Variants in STK32C observed in about 807,000 individuals in gnomAD.
STK32C encodes serine/threonine-protein kinase 32C.
In STK32C, 31 loss-of-function variants were observed where a neutral mutation model predicts 56.5. The ratio of observed to expected loss-of-function variants is 0.55; its 90% CI spans 0.41 to 0.74. The LOEUF (loss-of-function observed/expected upper bound fraction) is 0.74, where lower values mean the gene tolerates loss of function less well. Ranked by LOEUF, STK32C falls within the 30% of genes least tolerant of loss-of-function variation. The probability of loss-of-function intolerance (pLI) is 0.00; values close to 1 mark genes in which losing one functional copy is unlikely to be tolerated. For missense variants in STK32C, 544 were observed against 676.9 expected (o/e 0.80, Z 2.18); for synonymous variants, 309 against 289.4 (o/e 1.07, Z -0.69).
chr10:132,251,442 A>T (rs184018240), intron 1 of STK32C, among the ~76,000 whole-genome samples: 2 of 152,086 alleles, frequency 1.3e-5, no homozygotes, highest in African/African-American at 4.8e-5. Context: ...GGGAGTGGGC[A>T]TGGTCCCTTC....
chr10:132,254,759 A>T (rs1259606968), intron 1 of STK32C, among the ~76,000 whole-genome samples: 4 of 150,406 alleles, frequency 2.7e-5, no homozygotes, highest in Non-Finnish European at 5.9e-5. Flanking sequence ...GGGCGCCGGG[A>T]ATCAGCACTA....
At chr10:132,314,744 G>C (rs1387847154) in intron 1 of STK32C, among the ~76,000 whole-genome samples, 1 of 152,160 alleles carries the variant, frequency 6.6e-6, no homozygotes. Context: ...ATCAGATAAC[G>C]TAGACTTCAA....
chr10:132,285,411 A>C (rs1353490115), intron 1 of STK32C, among the ~76,000 whole-genome samples: 2 of 152,256 alleles, frequency 1.3e-5, no homozygotes, highest in Admixed American at 6.5e-5. Flanking sequence ...TAAAGAGCAG[A>C]TATTTTCAGA....
At chr10:132,269,466 G>A (rs1363922850) in intron 1 of STK32C, among the ~76,000 whole-genome samples, 2 of 152,108 alleles carry the variant, frequency 1.3e-5, no homozygotes, top group Middle Eastern at 3.2e-3. Flanking sequence ...GCTGCTGCAG[G>A]AGGACCTGGG....
chr10:132,289,107 TA>T lies in STK32C; in HGVS notation c.262+18464del, dbSNP rs369679145. Among the ~76,000 whole-genome samples the T allele has an allele frequency of 2.5e-4, 37 of 150,880 alleles. No homozygotes were observed. The East Asian group carries it at 3.9e-3, about 16-fold the overall frequency. ...AGTGTGTTACTGGCAACAAGAAAGA[TA>T]AAAAAAAATAGACCCAAACATACTG... On this transcript the variant is annotated intron_variant, in intron 1 of 11. Transcript: ENST00000298630.
At chr10:132,271,657 C>T (rs1033160569) in intron 1 of STK32C, among the ~76,000 whole-genome samples, 2 of 152,246 alleles carry the variant, frequency 1.3e-5, no homozygotes, top group African/African-American at 4.8e-5. Flanking sequence ...CCAGCCCCCA[C>T]CACTGAAAAA....
At chr10:132,267,224 G>A (rs2064571941) in intron 1 of STK32C, among the ~76,000 whole-genome samples, 1 of 152,252 alleles carries the variant, frequency 6.6e-6, no homozygotes, top group Non-Finnish European at 1.5e-5. Context: ...AGTGTGGGGT[G>A]CAGGTCTCCT....
intron 2 of STK32C, among the ~76,000 whole-genome samples, chr10:132,237,181 T>A (rs2063324202): frequency 1.9e-5 from 1 of 51,770 alleles, no homozygotes; most frequent in African/African-American, 3.9e-5. Context: ...TCCCTGACTG[T>A]GCTCCCTGGA....
chr10:132,210,083 G>A (rs890797820), intron 10 of STK32C, among the ~76,000 whole-genome samples: 7 of 152,104 alleles, frequency 4.6e-5, no homozygotes, highest in East Asian at 1.9e-4. Flanking sequence ...ACCATCTTAC[G>A]GGACCACCCC....
In STK32C at chr10:132,209,096, A is replaced by C; in HGVS notation, c.1257T>G (p.Asn419Lys). 7 of 1,613,772 alleles carry C rather than the reference A, an allele frequency of 4.3e-6. No individual in the cohort carries two copies. Among genetic ancestry groups the C allele is most frequent in the Non-Finnish European group, 5.9e-6 (7 of 1,179,980 alleles). Residue 419 changes from asparagine (N) to lysine (K), a missense_variant, in exon 11 of 12, where the codon AAT becomes AAG. Physicochemically the swap from Asn to Lys is moderately conservative, Grantham distance 94. Around this residue, in one of 3 missense-constraint regions of STK32C, gnomAD observed 277 missense variants for 309.3 expected, o/e 0.90. Coordinates refer to ENST00000298630, the MANE Select transcript of STK32C (RefSeq NM_173575.4). ...DNSRDSSQSE[N>K]DYLQDCLDAI... ...CATCGAGGCAGTCTTGAAGATAGTC[A>C]TTCTCCTGTGGATGGAAAGGCACAC...
chr10:132,285,009 G>A (rs56212595), intron 1 of STK32C, among the ~76,000 whole-genome samples: 204 of 109,098 alleles, frequency 1.9e-3, no homozygotes, highest in Non-Finnish European at 3.2e-3. Flanking sequence ...GCATGAACCC[G>A]GAACACATTC....
At chr10:132,221,899 GGGC>G (rs2062678951) in intron 10 of STK32C, among the ~76,000 whole-genome samples, 1 of 122,954 alleles carries the variant, frequency 8.1e-6, no homozygotes, top group Non-Finnish European at 2.0e-5. Flanking sequence ...CAACGCACCT[GGGC>G]AAGTGTGAGG....
intron 2 of STK32C, among the ~76,000 whole-genome samples, chr10:132,235,056 CTGAG>C (rs1409654238): frequency 1.3e-5 from 2 of 151,820 alleles, no homozygotes; most frequent in East Asian, 3.9e-4. Context: ...TATGAACTGT[CTGAG>C]TGGTGTGAGC....
chr10:132,292,707 A>G (rs992825825), intron 1 of STK32C, among the ~76,000 whole-genome samples: 2 of 152,082 alleles, frequency 1.3e-5, no homozygotes, highest in African/African-American at 4.8e-5. Context: ...CCCCCACCCA[A>G]AGCAGGCCCT....
intron 2 of STK32C, among the ~76,000 whole-genome samples, chr10:132,235,487 T>A: frequency 7.4e-5 from 1 of 13,436 alleles, no homozygotes; most frequent in Non-Finnish European, 1.8e-4. Flanking sequence ...AGAGCAAGAC[T>A]CAGCCTTAAA....
intron 10 of STK32C, among the ~76,000 whole-genome samples, chr10:132,210,544 G>A (rs1466006676): frequency 2.0e-5 from 3 of 152,234 alleles, no homozygotes; most frequent in South Asian, 2.1e-4. Flanking sequence ...CACCATGCCT[G>A]GCCCTGTGGA....
chr10:132,222,624 C>G lies in STK32C; in HGVS notation c.1251+17G>C, dbSNP rs777102281. On this transcript the variant is annotated intron_variant, in intron 10 of 11. Transcript: ENST00000298630. Reference sequence around the variant, plus strand: ...GCCCAGCCCGCCGCCGCGCCCTGAGCCTGCCCTGGCACTCACGGACTGGGA... The same window carrying G: ...GCCCAGCCCGCCGCCGCGCCCTGAGGCTGCCCTGGCACTCACGGACTGGGA... 1 of 1,610,742 alleles carries G rather than the reference C, an allele frequency of 6.2e-7. No individual in the cohort carries two copies. The highest frequency in any genetic ancestry group is 1.7e-5 in the Admixed American group (1 of 59,934).
chr10:132,258,798 A>T (rs1439698667), intron 1 of STK32C, among the ~76,000 whole-genome samples: 2 of 152,186 alleles, frequency 1.3e-5, no homozygotes, highest in Non-Finnish European at 2.9e-5. Flanking sequence ...TCAGGGCCGG[A>T]TGAGGATCCC....
chr10:132,211,793 C>T (rs1376221909), intron 10 of STK32C, among the ~76,000 whole-genome samples: 1 of 152,156 alleles, frequency 6.6e-6, no homozygotes, highest in African/African-American at 2.4e-5. Flanking sequence ...CCTCTTGAAC[C>T]GCAAGTGACG....
Sources: allele counts gnomAD v4.1 joint callset (sites outside exome capture counted in the v4.1 genomes callset), GRCh38; gene constraint gnomAD v4.1.1; regional missense constraint gnomAD v4.1.1; transcripts MANE v1.5; gene names NCBI Gene and HGNC (gene_info 2026-07-23, HGNC 2026-07-21).